The following CNTNAP5 variants were observed in gnomAD, a reference collection of about 807,000 sequenced individuals.
CNTNAP5 encodes the protein contactin-associated protein-like 5.
Under a neutral mutation model 150.2 loss-of-function variants are expected in CNTNAP5, and 72 were observed. The ratio of observed to expected loss-of-function variants is 0.48; its 90% confidence interval spans 0.40 to 0.58. CNTNAP5 has a LOEUF of 0.58. Ranked by LOEUF, CNTNAP5 falls within the 20% of genes least tolerant of loss-of-function variation. The probability of loss-of-function intolerance (pLI) is 0.00; values close to 1 mark genes in which losing one functional copy is unlikely to be tolerated. For missense variants in CNTNAP5, 1,636 were observed against 1,626.2 expected (o/e 1.01, Z -0.10); for synonymous variants, 672 against 619.8 (o/e 1.08, Z -1.25).
chr2:124,557,183 T>A (rs1269009179), intron 10 of CNTNAP5, among the ~76,000 whole-genome samples: 1 of 152,168 alleles, frequency 6.6e-6, no homozygotes, highest in Admixed American at 6.6e-5. Flanking sequence ...CTTGCATCCC[T>A]AAGTGGCCAC....
At chr2:124,816,402 C>A (rs1682361752) in intron 19 of CNTNAP5, among the ~76,000 whole-genome samples, 1 of 151,804 alleles carries the variant, frequency 6.6e-6, no homozygotes, top group South Asian at 2.1e-4. Context: ...GGGCTGCCAT[C>A]CAGTCTCTGT....
Position 124,240,481 on chromosome 2 carries a change from G to A in CNTNAP5, c.188-1719G>A, listed in dbSNP as rs1023519261. Among the ~76,000 whole-genome samples the A allele has an allele frequency of 2.0e-5, 3 of 152,258 alleles. No homozygotes were observed. The East Asian group carries it at 5.8e-4, about 29-fold the overall frequency. On this transcript the variant is annotated intron_variant, in intron 2 of 23. Coordinates refer to ENST00000682447, the MANE Select transcript of CNTNAP5 (RefSeq NM_001367498.1). ...ATGGAAAGCTGAAAACTGCCATTAA[G>A]CCATGCACTCACTGCAATTCTACTA...
chr2:124,555,637 T>G (rs1695735791), intron 10 of CNTNAP5, among the ~76,000 whole-genome samples: 1 of 152,182 alleles, frequency 6.6e-6, no homozygotes, highest in Non-Finnish European at 1.5e-5. Context: ...GTCTTTCTAC[T>G]AAAAGCAGGC....
At chr2:124,521,845 C>G (rs1694853911) in intron 8 of CNTNAP5, among the ~76,000 whole-genome samples, 1 of 152,126 alleles carries the variant, frequency 6.6e-6, no homozygotes, top group African/African-American at 2.4e-5. Context: ...AAATGTTCAC[C>G]AAGACACACC....
chr2:124,258,731 AAAG>A (rs1482073532), intron 3 of CNTNAP5, among the ~76,000 whole-genome samples: 3 of 152,230 alleles, frequency 2.0e-5, no homozygotes, highest in African/African-American at 7.2e-5. Context: ...ACATTTCAGC[AAAG>A]AAGATTTTAT....
intron 22 of CNTNAP5, among the ~76,000 whole-genome samples, chr2:124,904,706 A>T (rs2104761789): frequency 1.3e-5 from 2 of 152,282 alleles, no homozygotes; most frequent in South Asian, 4.1e-4. Context: ...CCTTTATCTT[A>T]TACCATATAA....
chr2:124,041,393 A>T (rs1481049299), intron 1 of CNTNAP5, among the ~76,000 whole-genome samples: 1 of 152,200 alleles, frequency 6.6e-6, no homozygotes, highest in African/African-American at 2.4e-5. Context: ...CTCATTTTAC[A>T]CACCATCCAC....
At chr2:124,176,647 G>T (rs1199251306) in intron 1 of CNTNAP5, among the ~76,000 whole-genome samples, 1 of 152,068 alleles carries the variant, frequency 6.6e-6, no homozygotes, top group Non-Finnish European at 1.5e-5. Context: ...TCCAAACTTT[G>T]ATTGGACAAA....
rs1208212047 is a variant in CNTNAP5 at position 124,915,477 on chromosome 2, A to G, written c.*1189A>G. 6.6e-6 allele frequency among the ~76,000 whole-genome samples: 1 copy of G among 152,068 alleles called. No individual in the cohort carries two copies. The highest frequency in any genetic ancestry group is 2.4e-5 in the African/African-American group (1 of 41,450). Reference sequence around the variant, plus strand: ...CAAATTTGCAAGTTTCACATTTTTTAACATCAAGCTATTCTCCAAGAAGTT... The same window carrying G: ...CAAATTTGCAAGTTTCACATTTTTTGACATCAAGCTATTCTCCAAGAAGTT... On this transcript the variant is annotated 3_prime_UTR_variant, in exon 24 of 24. Coordinates refer to ENST00000682447, the MANE Select transcript of CNTNAP5 (RefSeq NM_001367498.1).
At chr2:124,834,074 G>T (rs920997379) in intron 19 of CNTNAP5, among the ~76,000 whole-genome samples, 6 of 152,092 alleles carry the variant, frequency 3.9e-5, no homozygotes, top group African/African-American at 1.4e-4. Context: ...TACATTCCAG[G>T]CACCATGTAT....
chr2:124,089,480 C>T (rs1211649602), intron 1 of CNTNAP5, among the ~76,000 whole-genome samples: 1 of 152,094 alleles, frequency 6.6e-6, no homozygotes, highest in African/African-American at 2.4e-5. Context: ...ATTTTGAGCC[C>T]ACATGTGGCT....
intron 13 of CNTNAP5, among the ~76,000 whole-genome samples, chr2:124,651,932 C>A (rs970543752): frequency 1.3e-5 from 2 of 152,174 alleles, no homozygotes; most frequent in African/African-American, 4.8e-5. Context: ...CTTCTGCCTG[C>A]TCTCGGCTCC....
Position 124,832,575 on chromosome 2 carries a change from A to G in CNTNAP5, c.3218-32731A>G, listed in dbSNP as rs1363558152. Among the ~76,000 whole-genome samples, 6 of 152,144 alleles carry G rather than the reference A, an allele frequency of 3.9e-5. No homozygotes were observed. The East Asian group carries it at 1.2e-3, about 29-fold the overall frequency. The stretch of plus-strand genomic sequence containing the variant: ...GAGGCTGTGGACCAAAATTTTGGGT[A>G]AAGCATTTTCCATGAAAGTTTTTAT... On this transcript the variant is annotated intron_variant, in intron 19 of 23. Coordinates refer to ENST00000682447, the MANE Select transcript of CNTNAP5 (RefSeq NM_001367498.1).
chr2:124,866,826 G>C (rs1012576213), intron 20 of CNTNAP5, among the ~76,000 whole-genome samples: 6 of 152,028 alleles, frequency 3.9e-5, no homozygotes, highest in Non-Finnish European at 5.9e-5. Context: ...TGTTCTCCTG[G>C]TTGACCATTT....
chr2:124,713,803 C>T (rs188104669), intron 13 of CNTNAP5, among the ~76,000 whole-genome samples: 112 of 152,246 alleles, frequency 7.4e-4, no homozygotes, highest in Non-Finnish European at 3.2e-4. Context: ...TCGCCCAATG[C>T]CTCACAGTTA....
intron 1 of CNTNAP5, among the ~76,000 whole-genome samples, chr2:124,131,251 C>T (rs1001222807): frequency 2.0e-5 from 3 of 152,246 alleles, no homozygotes; most frequent in African/African-American, 7.2e-5. Flanking sequence ...TGCCTTAGAG[C>T]CATACTGTAG....
intron 19 of CNTNAP5, among the ~76,000 whole-genome samples, chr2:124,856,979 TG>T (rs1677388748): frequency 6.6e-6 from 1 of 152,116 alleles, no homozygotes. Flanking sequence ...CTGTGGCTCA[TG>T]GGGCTCACAG....
chr2:124,847,894 A>T (rs574540896), intron 19 of CNTNAP5, among the ~76,000 whole-genome samples: 33 of 152,320 alleles, frequency 2.2e-4, no homozygotes, highest in African/African-American at 6.7e-4. Context: ...TTTATTTTCC[A>T]TAGAATTTAT....
Position 124,504,556 on chromosome 2 carries a change from G to A in CNTNAP5, c.1327G>A (p.Gly443Ser). The A allele has an allele frequency of 6.2e-7, 1 of 1,613,150 alleles. No homozygotes were observed. Among genetic ancestry groups the A allele is most frequent in the Non-Finnish European group, 8.5e-7 (1 of 1,179,574 alleles). The part of the protein sequence containing the change: ...MTERVAEILT[G>S]SNLNDGLWHS... Reference sequence around the variant, plus strand: ...AGAACGCGTAGCTGAAATCCTCACAGGTACTGTCTGCTGACACTCTGGATC... The same window carrying A: ...AGAACGCGTAGCTGAAATCCTCACAAGTACTGTCTGCTGACACTCTGGATC... The change falls in exon 8 of 24, where the codon GGC becomes AGC. Residue 443 changes from glycine to serine, a missense_variant and splice_region_variant. By Grantham distance (56) the Gly-to-Ser change is moderately conservative (BLOSUM62 0). Coordinates refer to ENST00000682447, the MANE Select transcript of CNTNAP5 (RefSeq NM_001367498.1).
Sources: gnomAD v4.1 joint callset for allele counts (sites outside exome capture counted in the v4.1 genomes callset) on GRCh38, gnomAD v4.1.1 for gene constraint, MANE v1.5 for transcripts, NCBI Gene and HGNC (gene_info 2026-07-23, HGNC 2026-07-21) for gene names.